The following LOC122539214 variants were observed in gnomAD, a reference collection of about 807,000 sequenced individuals.
chr19:52,674,015 CA>C, the LOC122539214 span, among the ~76,000 whole-genome samples: 14,309 of 72,848 alleles, frequency 0.2, 465 homozygotes, highest in African/African-American at 0.23. Context: ...GACTCCATCT[CA>C]AAAAAAAAAA....
the LOC122539214 span, among the ~76,000 whole-genome samples, chr19:52,690,182 G>GA: frequency 5.5e-3 from 727 of 132,118 alleles, 2 homozygotes; most frequent in African/African-American, 0.011. Context: ...ATGATTTTGA[G>GA]AAAAAAAAAA....
the LOC122539214 span, chr19:52,655,449 CAT>C: frequency 6.0e-6 from 6 of 1,000,040 alleles, no homozygotes; most frequent in South Asian, 1.5e-5. Context: ...AAAACAATGA[CAT>C]GTACATCAAA....
chr19:52,682,923 T>C, the LOC122539214 span, among the ~76,000 whole-genome samples: 4 of 151,908 alleles, frequency 2.6e-5, no homozygotes, highest in African/African-American at 7.3e-5. Flanking sequence ...CAGGCTGGAG[T>C]ACAGTGGCAC....
chr19:52,653,952 AT>A, the LOC122539214 span: 1 of 1,224,734 alleles, frequency 8.2e-7, no homozygotes. Context: ...ATAATGAAGA[AT>A]GGAGAAAGTT....
chr19:52,665,986 G>A, the LOC122539214 span, among the ~76,000 whole-genome samples: 9 of 146,954 alleles, frequency 6.1e-5, no homozygotes, highest in South Asian at 2.1e-4. Context: ...GTGAAACCCC[G>A]TCTCTACTAA....
the LOC122539214 span, among the ~76,000 whole-genome samples, chr19:52,687,097 C>A: frequency 6.6e-6 from 1 of 150,644 alleles, no homozygotes; most frequent in Non-Finnish European, 1.5e-5. Flanking sequence ...AGGAGAATTG[C>A]TTGAACCCAG....
the LOC122539214 span, among the ~76,000 whole-genome samples, chr19:52,687,799 C>T: frequency 6.8e-6 from 1 of 147,858 alleles, no homozygotes; most frequent in Non-Finnish European, 1.5e-5. Flanking sequence ...CACTCCAGCC[C>T]GAGTGATACA....
chr19:52,666,858 G>T, the LOC122539214 span, among the ~76,000 whole-genome samples: 1 of 152,190 alleles, frequency 6.6e-6, no homozygotes, highest in Non-Finnish European at 1.5e-5. Context: ...GGTGACTGAG[G>T]GAAAAAGACA....
At chr19:52,658,414 C>A in the LOC122539214 span, among the ~76,000 whole-genome samples, 2 of 151,892 alleles carry the variant, frequency 1.3e-5, no homozygotes, top group African/African-American at 4.8e-5. Flanking sequence ...AAAAATACAA[C>A]AATTAGCCAG....
chr19:52,687,631 A>AAT, the LOC122539214 span, among the ~76,000 whole-genome samples: 817 of 10,604 alleles, frequency 0.077, 108 homozygotes, highest in African/African-American at 0.2. Context: ...TATATATATA[A>AAT]TGTATATATA....
At chr19:52,667,392 G>T in the LOC122539214 span, among the ~76,000 whole-genome samples, 2 of 152,120 alleles carry the variant, frequency 1.3e-5, no homozygotes, top group African/African-American at 4.8e-5. Context: ...TGTGAAAAAA[G>T]AAAAGTTATA....
At chr19:52,652,624 C>G in the LOC122539214 span, 5 of 465,286 alleles carry the variant, frequency 1.1e-5, no homozygotes, top group Non-Finnish European at 2.1e-5. Flanking sequence ...GAAATATCTG[C>G]CACATTTACT....
chr19:52,678,803 G>A, the LOC122539214 span, among the ~76,000 whole-genome samples: 1 of 151,910 alleles, frequency 6.6e-6, no homozygotes, highest in Non-Finnish European at 1.5e-5. Flanking sequence ...GTGAAAACCT[G>A]TCTCTACTAA....
chr19:52,680,934 C>T, the LOC122539214 span, among the ~76,000 whole-genome samples: 1 of 151,634 alleles, frequency 6.6e-6, no homozygotes, highest in Non-Finnish European at 1.5e-5. Context: ...TTTAAGATCC[C>T]TTAAGTCACT....
chr19:52,652,550 G>T, the LOC122539214 span: 1 of 441,954 alleles, frequency 2.3e-6, no homozygotes, highest in African/African-American at 2.0e-5. Context: ...CTGCAATCAT[G>T]ACATTTGTAA....
the LOC122539214 span, among the ~76,000 whole-genome samples, chr19:52,663,049 G>A: frequency 6.6e-6 from 1 of 152,074 alleles, no homozygotes; most frequent in Non-Finnish European, 1.5e-5. Flanking sequence ...TGTGGTCCCA[G>A]CTATTTGGGA....
chr19:52,654,896 A>C, the LOC122539214 span: 1 of 153,028 alleles, frequency 6.5e-6, no homozygotes, highest in Non-Finnish European at 1.5e-5. Context: ...AAAAACCAGA[A>C]CAAAAGGCCA....
the LOC122539214 span, chr19:52,654,101 G>A: frequency 6.2e-7 from 1 of 1,604,668 alleles, no homozygotes; most frequent in Non-Finnish European, 8.5e-7. Context: ...TGCAGTTCAG[G>A]CAGATGTGAA....
the LOC122539214 span, among the ~76,000 whole-genome samples, chr19:52,677,151 A>T: frequency 1.3e-4 from 19 of 151,830 alleles, no homozygotes; most frequent in Non-Finnish European, 1.5e-4. Context: ...AAAGAAAAAA[A>T]AATAAAGGAA....
Sources: allele counts gnomAD v4.1 joint callset (sites outside exome capture counted in the v4.1 genomes callset), GRCh38; gene constraint gnomAD v4.1.1; transcripts MANE v1.5.